COL19A1: variants seen among roughly 807,000 people sequenced by gnomAD.
COL19A1 encodes the protein collagen alpha-1(XIX) chain.
A neutral mutation model predicts 190.2 loss-of-function variants in COL19A1; 159 were observed. The ratio of observed to expected loss-of-function variants is 0.84; its 90% CI spans 0.73 to 0.95. COL19A1 has a LOEUF of 0.95. Ranked by LOEUF, COL19A1 falls within the 40% of genes least tolerant of loss-of-function variation. COL19A1 has a pLI of 0.00. For missense variants in COL19A1, 1,418 were observed against 1,431.9 expected, an observed-to-expected ratio of 0.99 and a Z score of 0.16; for synonymous variants, 509 against 458.9, an observed-to-expected ratio of 1.11 and a Z score of -1.39.
chr6:70,175,732 A>G (rs1263715227), intron 41 of COL19A1, among the ~76,000 whole-genome samples: 1 of 152,110 alleles, frequency 6.6e-6, no homozygotes, highest in African/African-American at 2.4e-5. Context: ...AAACTTTAGT[A>G]TCATTTGATC....
intron 31 of COL19A1, among the ~76,000 whole-genome samples, chr6:70,154,604 C>T (rs893697572): frequency 3.3e-5 from 5 of 152,102 alleles, no homozygotes; most frequent in African/African-American, 1.2e-4. Flanking sequence ...AGAATTGACT[C>T]ATGTGATTAC....
chr6:69,946,169 C>G (rs1190217858), intron 9 of COL19A1, among the ~76,000 whole-genome samples: 1 of 151,834 alleles, frequency 6.6e-6, no homozygotes, highest in Non-Finnish European at 1.5e-5. Flanking sequence ...GCTTTTAACT[C>G]ATTTAAACTC....
At chr6:70,160,845 T>C (rs1382339815) in intron 34 of COL19A1, among the ~76,000 whole-genome samples, 3 of 152,310 alleles carry the variant, frequency 2.0e-5, no homozygotes, top group Admixed American at 1.3e-4. Flanking sequence ...TTTAAAAATT[T>C]AGACCCTGTG....
At chr6:69,992,745 G>A (rs1362112071) in intron 11 of COL19A1, among the ~76,000 whole-genome samples, 2 of 151,872 alleles carry the variant, frequency 1.3e-5, no homozygotes, top group East Asian at 3.9e-4. Context: ...TCTCGATTTG[G>A]CTCTCAGCTT....
At chr6:70,050,802 C>A (rs914225946) in intron 14 of COL19A1, among the ~76,000 whole-genome samples, 3 of 152,032 alleles carry the variant, frequency 2.0e-5, no homozygotes, top group Admixed American at 2.0e-4. Context: ...TTGAAAGTCA[C>A]GCTTTTTGTG....
intron 16 of COL19A1, among the ~76,000 whole-genome samples, chr6:70,113,999 C>T (rs564623339): frequency 3.6e-4 from 55 of 151,862 alleles, no homozygotes; most frequent in African/African-American, 1.1e-3. Flanking sequence ...TACAGGTGCA[C>T]GCTAACATGC....
Position 70,163,416 on chromosome 6 carries a change from C to T in COL19A1, c.2400+20C>T. 1 of 1,607,304 alleles carries T rather than the reference C, an allele frequency of 6.2e-7. No individual in the cohort carries two copies. The highest frequency in any genetic ancestry group is 8.5e-7 in the Non-Finnish European group (1 of 1,176,426). Reference sequence around the variant, plus strand: ...GAAAAGGTACAAAGGAAAAGCCTCACTTACCATCCAAACTGGGGCTTGGAG... The same window carrying T: ...GAAAAGGTACAAAGGAAAAGCCTCATTTACCATCCAAACTGGGGCTTGGAG... On this transcript the variant is annotated intron_variant, in intron 36 of 50. Transcript: ENST00000620364.
chr6:70,058,105 T>G (rs1158335625), intron 14 of COL19A1, among the ~76,000 whole-genome samples: 1 of 152,066 alleles, frequency 6.6e-6, no homozygotes, highest in African/African-American at 2.4e-5. Flanking sequence ...GTTTTTAGCT[T>G]TATTGGCTTA....
In COL19A1 at chr6:70,073,041, G is replaced by A. The variant is rs185858735; in HGVS notation, c.1224+4565G>A. Among the ~76,000 whole-genome samples the A allele has an allele frequency of 2.8e-3, 428 of 151,792 alleles. 2 individuals carry two copies. The highest frequency in any genetic ancestry group is 9.8e-3 in the African/African-American group (403 of 41,324). On this transcript the variant is annotated intron_variant, in intron 15 of 50. Coordinates refer to ENST00000620364, the MANE Select transcript of COL19A1 (RefSeq NM_001858.6). ...TTGCTCTTGTTGCCCAGGCTGCAGT[G>A]CAGTGGTGCAGTCTTGGCTCACTAC...
chr6:69,941,294 G>A (rs1362895411), intron 9 of COL19A1, among the ~76,000 whole-genome samples: 1 of 152,014 alleles, frequency 6.6e-6, no homozygotes, highest in Admixed American at 6.6e-5. Context: ...TTGTGAAGAA[G>A]GAATACAATA....
chr6:70,201,517 G>A (rs1767553152), intron 49 of COL19A1, among the ~76,000 whole-genome samples: 1 of 152,112 alleles, frequency 6.6e-6, no homozygotes, highest in Admixed American at 6.5e-5. Flanking sequence ...TCTTAAACTT[G>A]GAAGATATCC....
At position 70,120,937 on chromosome 6, in the gene COL19A1, G is replaced by A. The variant is rs73746868; in HGVS notation, c.1279-943G>A. Among the ~76,000 whole-genome samples, 1,146 of 152,240 alleles carry A rather than the reference G, an allele frequency of 7.5e-3. 16 individuals carry two copies. The highest frequency in any genetic ancestry group is 0.026 in the African/African-American group (1,065 of 41,560). On this transcript the variant is annotated intron_variant, in intron 16 of 50. Coordinates refer to ENST00000620364, the MANE Select transcript of COL19A1 (RefSeq NM_001858.6). ...TTAAAATTTTTCTCCACTTTTCAAA[G>A]CTTTCATTCCCTTTGAAAAATATTA...
intron 42 of COL19A1, among the ~76,000 whole-genome samples, chr6:70,178,481 T>A (rs568936760): frequency 2.0e-5 from 3 of 152,202 alleles, no homozygotes; most frequent in Non-Finnish European, 2.9e-5. Context: ...ATGTTAGATT[T>A]TTATAACTGG....
chr6:70,139,915 G>T (rs1786130194), intron 19 of COL19A1, among the ~76,000 whole-genome samples: 1 of 148,614 alleles, frequency 6.7e-6, no homozygotes, highest in Non-Finnish European at 1.5e-5. Flanking sequence ...TAGGCTCCCG[G>T]GTTTTTCTCT....
At position 69,932,862 on chromosome 6, in the gene COL19A1, A is replaced by G; in HGVS notation, c.746A>G (p.Lys249Arg). 6.3e-7 allele frequency: 1 copy of G among 1,591,266 alleles called. No individual in the cohort carries two copies. The highest frequency in any genetic ancestry group is 8.6e-7 in the Non-Finnish European group (1 of 1,162,696). The change falls in exon 7 of 51, where the codon AAG becomes AGG. Residue 249 changes from lysine (K) to arginine (R), a missense_variant and splice_region_variant. Physicochemically the swap from Lys to Arg is conservative, Grantham distance 26. Coordinates refer to ENST00000620364, the MANE Select transcript of COL19A1 (RefSeq NM_001858.6). ...ACATGTTGTGAAATATCAGATACTA[A>G]GGTAAGTTAATTTTCTTTGCATATG... is the stretch of plus-strand genomic sequence containing the variant. ...QETCCEISDT[K>R]CPEQDGFGNI...
At chr6:70,029,624 G>A (rs990180418) in intron 12 of COL19A1, among the ~76,000 whole-genome samples, 2 of 152,126 alleles carry the variant, frequency 1.3e-5, no homozygotes, top group Admixed American at 6.5e-5. Flanking sequence ...TTTGAGAAAA[G>A]CATTACTGAT....
chr6:70,184,945 C>T, intron 46 of COL19A1, 30 bp downstream of exon 46: 2 of 1,597,674 alleles, frequency 1.3e-6, no homozygotes, highest in Non-Finnish European at 1.7e-6. Context: ...GATTGTTATT[C>T]AAGTCTGTCT....
chr6:69,995,745 A>T (rs1395370444), intron 11 of COL19A1, among the ~76,000 whole-genome samples: 1 of 152,200 alleles, frequency 6.6e-6, no homozygotes, highest in Non-Finnish European at 1.5e-5. Flanking sequence ...ATTCTCATAT[A>T]TGAAATATGA....
chr6:69,899,741 T>G (rs779473870), intron 3 of COL19A1, among the ~76,000 whole-genome samples: 2 of 152,188 alleles, frequency 1.3e-5, no homozygotes, highest in African/African-American at 2.4e-5. Flanking sequence ...CTCTTCTCTC[T>G]CTCCCACATA....
Sources: allele counts gnomAD v4.1 joint callset (sites outside exome capture counted in the v4.1 genomes callset), GRCh38; gene constraint gnomAD v4.1.1; transcripts MANE v1.5; gene names NCBI Gene and HGNC (gene_info 2026-07-23, HGNC 2026-07-21).